KLC4: variants seen among roughly 807,000 people sequenced by gnomAD.
KLC4 encodes the protein kinesin-like protein 8.
A neutral mutation model predicts 77.2 loss-of-function variants in KLC4; 49 were observed. The observed-to-expected ratio is 0.63, with a 90% CI of 0.50 to 0.80. The LOEUF (loss-of-function observed/expected upper bound fraction) is 0.80, where lower values mean the gene tolerates loss of function less well. Among genes scored for constraint, KLC4 ranks in the 30% least tolerant of loss-of-function variants. The pLI, the probability that KLC4 is intolerant of heterozygous loss-of-function variation, is 0.00. For missense variants in KLC4, 669 were observed against 793.5 expected, an observed-to-expected ratio of 0.84 and a Z score of 1.89; for synonymous variants, 274 against 314.5, an observed-to-expected ratio of 0.87 and a Z score of 1.36.
chr6:43,059,923 G>T, intron 1 of KLC4: 1 of 1,264,768 alleles, frequency 7.9e-7, no homozygotes, highest in Non-Finnish European at 1.0e-6. Context: ...AGGCCTCCAC[G>T]TCCTCGCTGG....
Position 43,074,825 on chromosome 6 carries a change from C to G in KLC4, c.*153C>G. 1.5e-6 allele frequency: 1 copy of G among 672,134 alleles called. No homozygotes were observed. Among genetic ancestry groups the G allele is most frequent in the South Asian group, 1.7e-5 (1 of 59,242 alleles). 41.6% of individuals were successfully genotyped at this position (672,134 alleles called of 1,614,324 possible). On this transcript the variant is annotated 3_prime_UTR_variant, in exon 16 of 16. Coordinates refer to ENST00000347162, the MANE Select transcript of KLC4 (RefSeq NM_201521.3). Reference sequence around the variant, plus strand: ...TGCTGCTGCCCTTAGGGTCTCAGCTCCCTCCTCAGGAATCCCTCTTAGGAA... The same window carrying G: ...TGCTGCTGCCCTTAGGGTCTCAGCTGCCTCCTCAGGAATCCCTCTTAGGAA...
At chr6:43,068,666 G>A (rs1045405893) in intron 6 of KLC4, among the ~76,000 whole-genome samples, 2 of 151,688 alleles carry the variant, frequency 1.3e-5, no homozygotes, top group Non-Finnish European at 2.9e-5. Context: ...TATAAAATTA[G>A]CCAGGCATGG....
At chr6:43,059,878 G>T in intron 1 of KLC4, 193 bp downstream of exon 1, 3 of 1,208,426 alleles carry the variant, frequency 2.5e-6, no homozygotes, top group Non-Finnish European at 3.1e-6. Flanking sequence ...CCCGCCCCCT[G>T]CGCCACCGAC....
chr6:43,063,134 A>T lies in KLC4; in HGVS notation c.476A>T (p.Asp159Val). 6.2e-7 allele frequency: 1 copy of T among 1,613,092 alleles called. No individual in the cohort carries two copies. The highest frequency in any genetic ancestry group is 8.5e-7 in the Non-Finnish European group (1 of 1,179,170). The change falls in exon 3 of 16, where the codon GAT becomes GTT. Residue 159 changes from aspartate (D) to valine (V), a missense_variant. Coordinates refer to ENST00000347162, the MANE Select transcript of KLC4 (RefSeq NM_201521.3). The part of the protein sequence containing the change: ...FLGQLRQYDE[D>V]GHTSEEKEGD... ...GGGCAGCTGCGGCAGTATGATGAGGATGGACATACCTCGGTGAGTGTGCAC... is the reference window on the plus strand; with the variant it reads ...GGGCAGCTGCGGCAGTATGATGAGGTTGGACATACCTCGGTGAGTGTGCAC...
chr6:43,062,146 G>A (rs1201262988), intron 2 of KLC4, among the ~76,000 whole-genome samples: 1 of 152,222 alleles, frequency 6.6e-6, no homozygotes, highest in Non-Finnish European at 1.5e-5. Context: ...GCAGTAGAGT[G>A]AATGAGGAGA....
chr6:43,062,937 C>T lies in KLC4; in HGVS notation c.279C>T (p.Ser93=). The T allele has an allele frequency of 6.2e-7, 1 of 1,614,146 alleles. No individual in the cohort carries two copies. Among genetic ancestry groups the T allele is most frequent in the Non-Finnish European group, 8.5e-7 (1 of 1,179,992 alleles). The change falls in exon 3 of 16, where the codon AGC becomes AGT. Residue 93 remains serine (S), a synonymous_variant. Transcript: ENST00000347162. ...CCTAGGTGATGCTGGCTCTAGCCAG[C>T]CACCTGAGCACAGTGGAGTCGGAGA... ...SEAQVMLALA[S]HLSTVESEKQ... is the part of the protein sequence containing the mutation.
At chr6:43,064,483 C>T (rs1252747476) in intron 3 of KLC4, among the ~76,000 whole-genome samples, 1 of 152,158 alleles carries the variant, frequency 6.6e-6, no homozygotes, top group African/African-American at 2.4e-5. Context: ...GTGATTATGC[C>T]ACTGCATTCT....
At chr6:43,070,063 A>G (rs1301662346) in intron 6 of KLC4, among the ~76,000 whole-genome samples, 8 of 150,768 alleles carry the variant, frequency 5.3e-5, no homozygotes, top group African/African-American at 2.0e-4. Context: ...TTGCCTCCTC[A>G]AAGGTAATCT....
intron 8 of KLC4, 65 bp downstream of exon 8, chr6:43,070,930 G>GGGGGGGGGGGA (rs1765691382): frequency 1.5e-5 from 7 of 471,014 alleles, no homozygotes; most frequent in Admixed American, 1.1e-4. Flanking sequence ...GGGGGGAGGG[G>GGGGGGGGGGGA]GGGCAGGCGG....
chr6:43,060,209 C>T, intron 1 of KLC4: 1 of 1,614,122 alleles, frequency 6.2e-7, no homozygotes, highest in South Asian at 1.1e-5. Flanking sequence ...GAGACAAAAC[C>T]ATGGAAGTGA....
At chr6:43,067,641 C>T (rs1409087917) in intron 6 of KLC4, among the ~76,000 whole-genome samples, 1 of 148,684 alleles carries the variant, frequency 6.7e-6, no homozygotes, top group Non-Finnish European at 1.5e-5. Flanking sequence ...AAAAAAAATA[C>T]AAAAAATGCC....
chr6:43,061,413 A>C lies in KLC4; in HGVS notation c.78A>C (p.Thr26=). The part of the protein sequence containing the change: ...RLSQEEILGS[T]RLVSQGLEAL... ...GCCAAGAGGAGATCCTGGGGAGCAC[A>C]CGGCTGGTCAGCCAAGGGCTAGAGG... The change falls in exon 2 of 16, where the codon ACA becomes ACC. Residue 26 remains threonine (T), a synonymous_variant. Transcript: ENST00000347162. The C allele has an allele frequency of 6.2e-7, 1 of 1,614,098 alleles. No homozygotes were observed. The highest frequency in any genetic ancestry group is 8.5e-7 in the Non-Finnish European group (1 of 1,180,038).
At chr6:43,069,105 C>T (rs1388013359) in intron 6 of KLC4, among the ~76,000 whole-genome samples, 1 of 151,544 alleles carries the variant, frequency 6.6e-6, no homozygotes, top group East Asian at 1.9e-4. Context: ...GAGACTTCAT[C>T]TTAAAATAAA....
At position 43,065,076 on chromosome 6, in the gene KLC4, C is replaced by CT. The variant is rs377472660; in HGVS notation, c.490-534dup. On this transcript the variant is annotated intron_variant, in intron 3 of 15. Transcript: ENST00000347162. ...GGTTAGAAAGGAAACTTTTTTTTTT[C>CT]TTTTTTTTTTGTTTTGAGACAGAGT... 2.7e-3 allele frequency among the ~76,000 whole-genome samples: 398 copies of CT among 147,402 alleles called. 1 individual carries two copies. Among genetic ancestry groups the CT allele is most frequent in the African/African-American group, 8.3e-3 (336 of 40,256 alleles).
rs766934285 is a variant in KLC4, at chr6:43,062,958, G to A, written c.300G>A (p.Ser100=). The change falls in exon 3 of 16, where the codon TCG becomes TCA. Residue 100 remains serine (S), a synonymous_variant. Coordinates refer to ENST00000347162, the MANE Select transcript of KLC4 (RefSeq NM_201521.3). ...CCAGCCACCTGAGCACAGTGGAGTCGGAGAAACAGAAGCTGCGGGCTCAGG... is the reference window on the plus strand; with the variant it reads ...CCAGCCACCTGAGCACAGTGGAGTCAGAGAAACAGAAGCTGCGGGCTCAGG... The part of the protein sequence containing the change: ...ALASHLSTVE[S]EKQKLRAQVR... 96 of 1,614,098 alleles carry A rather than the reference G, an allele frequency of 5.9e-5. No individual in the cohort carries two copies. The highest frequency in any genetic ancestry group is 8.0e-5 in the African/African-American group (6 of 74,940).
intron 1 of KLC4, chr6:43,060,008 A>C: frequency 3.4e-4 from 444 of 1,299,178 alleles, no homozygotes; most frequent in East Asian, 1.9e-3. Flanking sequence ...AACCCTGGGC[A>C]CCAGGGCAGG....
At chr6:43,060,775 T>C (rs1351364981) in intron 1 of KLC4, among the ~76,000 whole-genome samples, 1 of 152,232 alleles carries the variant, frequency 6.6e-6, no homozygotes, top group Non-Finnish European at 1.5e-5. Context: ...CTGAAGACCT[T>C]GAGCTTTCTG....
At chr6:43,071,519 C>G in intron 9 of KLC4, 48 bp from the exon 10 acceptor site, 1 of 1,594,682 alleles carries the variant, frequency 6.3e-7, no homozygotes, top group South Asian at 1.1e-5. Context: ...CTCTCCGACA[C>G]TGTCTAGCTC....
chr6:43,063,655 G>A (rs1432737458), intron 3 of KLC4, among the ~76,000 whole-genome samples: 2 of 151,648 alleles, frequency 1.3e-5, no homozygotes, highest in Admixed American at 6.6e-5. Flanking sequence ...CCGGGTTCAA[G>A]CAATTCTCCT....
Sources: gnomAD v4.1 joint callset for allele counts (sites outside exome capture counted in the v4.1 genomes callset) on GRCh38, gnomAD v4.1.1 for gene constraint, MANE v1.5 for transcripts, NCBI Gene and HGNC (gene_info 2026-07-23, HGNC 2026-07-21) for gene names.